NUAK1: variants seen among roughly 807,000 people sequenced by gnomAD.
NUAK1 encodes NUAK family kinase 1, also known as NUAK family SNF1-like kinase 1.
In NUAK1, 26 loss-of-function variants were observed where a neutral mutation model predicts 56.9. The ratio of observed to expected loss-of-function variants is 0.46; its 90% CI spans 0.33 to 0.63. The LOEUF (loss-of-function observed/expected upper bound fraction) is 0.63, where lower values mean the gene tolerates loss of function less well. NUAK1 is among the 30% of genes least tolerant of loss of function. NUAK1 has a pLI of 0.02. For synonymous variants in NUAK1, 337 were observed against 336.0 expected, an observed-to-expected ratio of 1.00 and a Z score of -0.03; for missense variants, 727 against 876.1, an observed-to-expected ratio of 0.83 and a Z score of 2.15.
chr12:106,111,235 C>G lies in NUAK1; in HGVS notation c.241-4710G>C, dbSNP rs2136474300. ...TGAATGGCAGTGATTATAAACCACA[C>G]TTAAGAGGTAATGAGCCCACAGCAA... On this transcript the variant is annotated intron_variant, in intron 1 of 6. Coordinates refer to ENST00000261402, the MANE Select transcript of NUAK1 (RefSeq NM_014840.3). Among the ~76,000 whole-genome samples the G allele has an allele frequency of 2.6e-5, 4 of 152,288 alleles. 1 individual carries two copies. The South Asian group carries it at 8.3e-4, about 32-fold the overall frequency.
At chr12:106,110,906 A>G (rs973534517) in intron 1 of NUAK1, among the ~76,000 whole-genome samples, 3 of 152,134 alleles carry the variant, frequency 2.0e-5, no homozygotes, top group African/African-American at 7.2e-5. Flanking sequence ...CCTCCTCTTG[A>G]GGGTTGGAGG....
chr12:106,068,485 G>C (rs1251409272), intron 6 of NUAK1, among the ~76,000 whole-genome samples: 1 of 152,192 alleles, frequency 6.6e-6, no homozygotes. Context: ...GAACACCTGG[G>C]CAGTAAGCGT....
chr12:106,081,770 G>A (rs1261076074), intron 4 of NUAK1, among the ~76,000 whole-genome samples: 1 of 152,196 alleles, frequency 6.6e-6, no homozygotes, highest in East Asian at 1.9e-4. Context: ...GGACCAAGAG[G>A]TCACACTGCA....
intron 1 of NUAK1, among the ~76,000 whole-genome samples, chr12:106,113,561 C>T (rs754502126): frequency 3.3e-5 from 5 of 151,642 alleles, no homozygotes. Flanking sequence ...TTTACAGCCT[C>T]CCAGGTGATT....
At position 106,066,723 on chromosome 12, in the gene NUAK1, G is replaced by C; in HGVS notation, c.*79C>G. The C allele has an allele frequency of 8.4e-7, 1 of 1,184,220 alleles. No homozygotes were observed. The highest frequency in any genetic ancestry group is 1.2e-6 in the Non-Finnish European group (1 of 830,774). The allele number at this position is 1,184,220 out of a possible 1,614,324, so 73.4% of individuals were successfully genotyped here. A position where few individuals can be genotyped will look rare whatever the true frequency, so the allele number is the denominator to read the frequency against. The stretch of plus-strand genomic sequence containing the variant: ...TCAGTCTGTTGTCACAGCCAGCAAA[G>C]AGGTAACCAGCCTGTGAGCCCAAGT... On this transcript the variant is annotated 3_prime_UTR_variant, in exon 7 of 7. Coordinates refer to ENST00000261402, the MANE Select transcript of NUAK1 (RefSeq NM_014840.3).
chr12:106,094,679 T>C (rs2032675989), intron 2 of NUAK1, among the ~76,000 whole-genome samples: 1 of 152,356 alleles, frequency 6.6e-6, no homozygotes, highest in East Asian at 1.9e-4. Context: ...TCTTTCTGGA[T>C]GTTGGCTGGC....
chr12:106,071,305 G>A (rs940622698), intron 5 of NUAK1, among the ~76,000 whole-genome samples: 1 of 152,146 alleles, frequency 6.6e-6, no homozygotes, highest in Non-Finnish European at 1.5e-5. Context: ...GGTAAAACTG[G>A]GATGCGGGGC....
In NUAK1 at chr12:106,072,851, G is replaced by T; in HGVS notation, c.580-8C>A. On this transcript the variant is annotated splice_polypyrimidine_tract_variant and splice_region_variant and intron_variant, in intron 4 of 6. Coordinates refer to ENST00000261402, the MANE Select transcript of NUAK1 (RefSeq NM_014840.3). Reference sequence around the variant, plus strand: ...AAGCCCAAAGTCAGCAATCTACAAAGAGAAGCAAGACCCAGGGAGACTTGT... The same window carrying T: ...AAGCCCAAAGTCAGCAATCTACAAATAGAAGCAAGACCCAGGGAGACTTGT... 6.2e-7 allele frequency: 1 copy of T among 1,613,796 alleles called. No individual in the cohort carries two copies. Among genetic ancestry groups the T allele is most frequent in the South Asian group, 1.1e-5 (1 of 91,040 alleles).
chr12:106,102,206 C>G (rs547361131), intron 2 of NUAK1, among the ~76,000 whole-genome samples: 2 of 152,280 alleles, frequency 1.3e-5, no homozygotes, highest in East Asian at 3.9e-4. Flanking sequence ...GGTCGCAAAA[C>G]ACTTGGAGGC....
chr12:106,111,778 A>G (rs899096626), intron 1 of NUAK1, among the ~76,000 whole-genome samples: 3 of 151,688 alleles, frequency 2.0e-5, no homozygotes, highest in Admixed American at 6.6e-5. Context: ...AATAATTAAT[A>G]TTTCTTAGGT....
chr12:106,137,086 G>T (rs983872175), intron 1 of NUAK1, among the ~76,000 whole-genome samples: 2 of 152,078 alleles, frequency 1.3e-5, no homozygotes, highest in Non-Finnish European at 2.9e-5. Flanking sequence ...AACGTTATGG[G>T]ACGAAGTTAT....
rs139761849 is a variant in NUAK1, at chr12:106,092,285, G to A, written c.362-5400C>T. On this transcript the variant is annotated intron_variant, in intron 2 of 6. Coordinates refer to ENST00000261402, the MANE Select transcript of NUAK1 (RefSeq NM_014840.3). Reference sequence around the variant, plus strand: ...TGTAATCCCAGCACTTTGGGAGGCCGAGGCGGGTGGATCATGAGGTCAGGA... The same window carrying A: ...TGTAATCCCAGCACTTTGGGAGGCCAAGGCGGGTGGATCATGAGGTCAGGA... Among the ~76,000 whole-genome samples the A allele has an allele frequency of 3.4e-3, 520 of 152,268 alleles. 5 individuals carry two copies. The highest frequency in any genetic ancestry group is 0.011 in the African/African-American group (458 of 41,542).
chr12:106,131,216 A>G (rs1375408139), intron 1 of NUAK1, among the ~76,000 whole-genome samples: 1 of 152,106 alleles, frequency 6.6e-6, no homozygotes, highest in Non-Finnish European at 1.5e-5. Flanking sequence ...CACATATCAT[A>G]TAATTCACCC....
Position 106,138,438 on chromosome 12 carries a change from G to A in NUAK1, c.216C>T (p.Ala72=). ...GKGTYGKVKR[A]TERFSGRVVA... ...CCACTCGGCCAGAAAACCTCTCGGT[G>A]GCCCGCTTGACTTTGCCGTAGGTGC... is the stretch of plus-strand genomic sequence containing the variant. The change falls in exon 1 of 7, where the codon GCC becomes GCT. Residue 72 remains alanine (A), a synonymous_variant. Coordinates refer to ENST00000261402, the MANE Select transcript of NUAK1 (RefSeq NM_014840.3). The surrounding 1 kb of genome is among the most constrained non-coding windows in gnomAD (Gnocchi z 5.0). The A allele has an allele frequency of 6.2e-7, 1 of 1,611,760 alleles. No individual in the cohort carries two copies. Among genetic ancestry groups the A allele is most frequent in the Admixed American group, 1.7e-5 (1 of 59,894 alleles).
At position 106,086,769 on chromosome 12, in the gene NUAK1, G is replaced by A. The variant is rs752482605; in HGVS notation, c.478C>T (p.Arg160Trp). 3 of 1,614,122 alleles carry A rather than the reference G, an allele frequency of 1.9e-6. No individual in the cohort carries two copies. Among genetic ancestry groups the A allele is most frequent in the Non-Finnish European group, 1.7e-6 (2 of 1,179,986 alleles). Residue 160 changes from arginine (R) to tryptophan (W), a missense_variant, in exon 3 of 7, where the codon CGG (arginine) becomes TGG (tryptophan). By Grantham distance (101) the Arg-to-Trp change is moderately radical. Transcript: ENST00000261402. Reference protein sequence around the residue: ...LSERETRHFFRQIVSAVHYCH... With the variant: ...LSERETRHFFWQIVSAVHYCH... ...TAGTGCACAGCAGAGACGATCTGCC[G>A]GAAGAAGTGCCGGGTCTCCCTCTCA...
chr12:106,072,602 C>T (rs2032417398), intron 5 of NUAK1, 122 bp downstream of exon 5: 11 of 1,108,078 alleles, frequency 9.9e-6, no homozygotes, highest in Middle Eastern at 2.9e-4. Flanking sequence ...TATAAGGAAA[C>T]GTTTTCCTTG....
rs1218539974 is a variant in NUAK1, at chr12:106,067,667, T to C, written c.1121A>G (p.Glu374Gly). 1 of 1,614,254 alleles carries C rather than the reference T, an allele frequency of 6.2e-7. No individual in the cohort carries two copies. The highest frequency in any genetic ancestry group is 1.7e-5 in the Admixed American group (1 of 60,032). ...CTGACCAGACTGAGCAAAGTCATTC[T>C]CTTTCTTGGATTTCTTCAGCGACCG... The part of the protein sequence containing the change: ...RQRSLKKSKK[E>G]NDFAQSGQDA... Residue 374 changes from glutamate (E) to glycine (G), a missense_variant, in exon 7 of 7, where the codon GAG (glutamate) becomes GGG (glycine). Glu to Gly is a moderately conservative substitution (Grantham distance 98). Transcript: ENST00000261402. This position sits in a 1 kb window ranked among gnomAD's most constrained non-coding sequence, Gnocchi z 6.0.
intron 1 of NUAK1, among the ~76,000 whole-genome samples, chr12:106,117,786 A>C (rs2032932848): frequency 6.6e-6 from 1 of 152,200 alleles, no homozygotes; most frequent in Non-Finnish European, 1.5e-5. Context: ...CATGCTACAC[A>C]ATGACAGTCA....
intron 1 of NUAK1, among the ~76,000 whole-genome samples, chr12:106,131,954 G>A (rs2033082676): frequency 6.6e-6 from 1 of 152,126 alleles, no homozygotes; most frequent in East Asian, 1.9e-4. Flanking sequence ...ATGTCGTCTG[G>A]GCCAGCACGA....
Sources: allele counts gnomAD v4.1 joint callset (sites outside exome capture counted in the v4.1 genomes callset), GRCh38; gene constraint gnomAD v4.1.1; non-coding constraint Gnocchi (gnomAD v3.1); transcripts MANE v1.5; gene names NCBI Gene and HGNC (gene_info 2026-07-23, HGNC 2026-07-21).